The following COL18A1 variants were observed in gnomAD, a reference collection of about 807,000 sequenced individuals.
COL18A1 encodes the protein collagen alpha-1(XVIII) chain.
Under a neutral mutation model 168.0 loss-of-function variants are expected in COL18A1, and 133 were observed. That is an observed-to-expected ratio of 0.79 (90% CI 0.69 to 0.91). The LOEUF (loss-of-function observed/expected upper bound fraction) is 0.91, where lower values mean the gene tolerates loss of function less well. Ranked by LOEUF, COL18A1 falls within the 40% of genes least tolerant of loss-of-function variation. The pLI is 0.00. For synonymous variants in COL18A1, 949 were observed against 809.0 expected, an observed-to-expected ratio of 1.17 and a Z score of -2.94; for missense variants, 2,126 against 1,925.4, an observed-to-expected ratio of 1.10 and a Z score of -1.95.
chr21:45,444,210 T>C (rs2034456237), intron 2 of COL18A1, among the ~76,000 whole-genome samples: 1 of 152,204 alleles, frequency 6.6e-6, no homozygotes, highest in African/African-American at 2.4e-5. Context: ...AAGTTCACTT[T>C]GTGCCAGGTT....
At chr21:45,422,286 G>A (rs2033649859) in intron 2 of COL18A1, 1 of 349,240 alleles carries the variant, frequency 2.9e-6, no homozygotes, top group Non-Finnish European at 5.9e-6. Flanking sequence ...CTCTCTGTCT[G>A]TAGAGGGGCA....
intron 2 of COL18A1, among the ~76,000 whole-genome samples, chr21:45,453,488 T>A (rs2034701191): frequency 6.6e-6 from 1 of 152,222 alleles, no homozygotes. Flanking sequence ...CCTTGCCAGG[T>A]GCTTCCTGGT....
chr21:45,489,493 C>G lies in COL18A1; in HGVS notation c.1931C>G (p.Pro644Arg), dbSNP rs759989824. The G allele has an allele frequency of 6.2e-7, 1 of 1,602,716 alleles. No individual in the cohort carries two copies. The highest frequency in any genetic ancestry group is 8.5e-7 in the Non-Finnish European group (1 of 1,174,666). ...GCCCCTTTTTTCACTTAGGGGGATC[C>G]TGGCGTGCCTGGGCTGCCGGGGGCG... ...PPGLPGLKGD[P>R]GVPGLPGAKG... Residue 644 changes from proline to arginine, a missense_variant, in exon 19 of 42, where the codon CCT becomes CGT. Physicochemically the swap from Pro to Arg is moderately radical, Grantham distance 103. Transcript: ENST00000651438.
At chr21:45,416,637 G>A (rs866278496) in intron 2 of COL18A1, among the ~76,000 whole-genome samples, 12 of 152,090 alleles carry the variant, frequency 7.9e-5, no homozygotes, top group Middle Eastern at 6.8e-3. Context: ...CTGGTCACCC[G>A]GCATCTCTTA....
Position 45,504,043 on chromosome 21 carries a change from G to T in COL18A1, c.2716G>T (p.Ala906Ser). 6.2e-7 allele frequency: 1 copy of T among 1,613,688 alleles called. No individual in the cohort carries two copies. Among genetic ancestry groups the T allele is most frequent in the Non-Finnish European group, 8.5e-7 (1 of 1,179,994 alleles). The change falls in exon 33 of 42, where the codon GCT (alanine) becomes TCT (serine). Residue 906 changes from alanine to serine, a missense_variant. Coordinates refer to ENST00000651438, the MANE Select transcript of COL18A1 (RefSeq NM_001379500.1). ...QFPFDFLQLE[A>S]EMKGEKGDRG... is the part of the protein sequence containing the mutation. ...TCCGTTTGACTTTCTTCAGTTGGAG[G>T]CTGAAATGAAGGTGGGTGACCTCCC...
chr21:45,503,718 A>C (rs1006803780), intron 32 of COL18A1, among the ~76,000 whole-genome samples: 6 of 151,876 alleles, frequency 4.0e-5, no homozygotes, highest in Non-Finnish European at 8.8e-5. Context: ...GCACACCAGC[A>C]TGGCACATGT....
Position 45,486,953 on chromosome 21 carries a change from G to GC in COL18A1, c.1799dup (p.Gly601TrpfsTer12). On this transcript the variant is annotated frameshift_variant, in exon 16 of 42. Coordinates refer to ENST00000651438, the MANE Select transcript of COL18A1 (RefSeq NM_001379500.1). LOFTEE classifies it high-confidence loss of function. Reference sequence around the variant, plus strand: ...CTGCTGGACCACCAGGCCCCCCTGGGCCCCCTGGGCCCCCAGGACCAGGAC... The same window carrying GC: ...CTGCTGGACCACCAGGCCCCCCTGGGCCCCCCTGGGCCCCCAGGACCAGGAC... 3 of 1,494,952 alleles carry GC rather than the reference G, an allele frequency of 2.0e-6. No individual in the cohort carries two copies. Among genetic ancestry groups the GC allele is most frequent in the Admixed American group, 2.3e-5 (1 of 42,828 alleles). 92.6% of individuals were successfully genotyped at this position (1,494,952 alleles called of 1,614,324 possible).
intron 14 of COL18A1, chr21:45,482,263 C>A: frequency 1.6e-6 from 1 of 635,332 alleles, no homozygotes; most frequent in South Asian, 1.7e-5. Context: ...AACATGGGCA[C>A]CCTGCGAGAT....
At position 45,405,443 on chromosome 21, in the gene COL18A1, C is replaced by T. The variant is rs1170169443; in HGVS notation, c.76C>T (p.Leu26Phe). Residue 26 changes from leucine (L) to phenylalanine (F), a missense_variant, in exon 2 of 42, where the codon CTC becomes TTC. Physicochemically the swap from Leu to Phe is conservative, Grantham distance 22. Coordinates refer to ENST00000651438, the MANE Select transcript of COL18A1 (RefSeq NM_001379500.1). The stretch of plus-strand genomic sequence containing the variant: ...CGTGCTCGCGCCCCTGGTCCTGCTG[C>T]TCGGGGTCCGCGCGGCCTCCGCGGA... ...LDVLAPLVLLLGVRAASAEPE... is the reference protein window; with the variant it reads ...LDVLAPLVLLFGVRAASAEPE... The T allele has an allele frequency of 2.9e-6, 4 of 1,380,784 alleles. No individual in the cohort carries two copies. In the Admixed American group the frequency reaches 7.7e-5, roughly 27 times the overall value. The allele number at this position is 1,380,784 out of a possible 1,614,324, so 85.5% of individuals were successfully genotyped here.
At chr21:45,411,805 G>A (rs1056313321) in intron 2 of COL18A1, among the ~76,000 whole-genome samples, 3 of 151,452 alleles carry the variant, frequency 2.0e-5, no homozygotes, top group South Asian at 2.1e-4. Flanking sequence ...CTGCAGGAGA[G>A]GGGAGGGCCT....
rs560834048 is a variant in COL18A1 at position 45,465,218 on chromosome 21, C to T, written c.107-3024C>T. Among the ~76,000 whole-genome samples, 6 of 152,338 alleles carry T rather than the reference C, an allele frequency of 3.9e-5. No homozygotes were observed. In the South Asian group the frequency reaches 8.3e-4, roughly 21 times the overall value. The stretch of plus-strand genomic sequence containing the variant: ...GACTGGCGGGTTCATCGCACAGCCT[C>T]GCCTTTGTTTATCAGACACCAGCTG... On this transcript the variant is annotated intron_variant, in intron 2 of 41. Transcript: ENST00000651438.
chr21:45,426,615 A>G (rs6518242), intron 2 of COL18A1, among the ~76,000 whole-genome samples: 62,402 of 151,986 alleles, frequency 0.41, 15,007 homozygotes, highest in African/African-American at 0.67. Flanking sequence ...GGAAGCCCCC[A>G]GAAACCCTTG....
In COL18A1 at chr21:45,477,967, T is replaced by C; in HGVS notation, c.1221+2T>C. ...ACCCCTGGAAGGGACGGCGAGCCGG[T>C]GAGTCCTCACGTCCCCCCGAGTCCG... is the stretch of plus-strand genomic sequence containing the variant. On this transcript the variant is annotated splice_donor_variant, in intron 8 of 41. Transcript: ENST00000651438. LOFTEE classifies it high-confidence loss of function. The C allele has an allele frequency of 2.0e-6, 3 of 1,472,372 alleles. No homozygotes were observed. Among genetic ancestry groups the C allele is most frequent in the Non-Finnish European group, 2.8e-6 (3 of 1,075,892 alleles). The allele number at this position is 1,472,372 out of a possible 1,614,324, so 91.2% of individuals were successfully genotyped here.
Position 45,487,488 on chromosome 21 carries a change from C to T in COL18A1, c.1875C>T (p.Ala625=), listed in dbSNP as rs780451021. Residue 625 remains alanine (A), a synonymous_variant, in exon 17 of 42, where the codon GCC becomes GCT. Coordinates refer to ENST00000651438, the MANE Select transcript of COL18A1 (RefSeq NM_001379500.1). ...CCGGGGGGCCCTTCTGGTCAACAGC[C>T]CGAAGCGCTGATGGGCCACAGGTAG... ...EGSGGPFWST[A]RSADGPQGPP... 9.3e-6 allele frequency: 15 copies of T among 1,612,992 alleles called. No individual in the cohort carries two copies. The African/African-American group carries it at 9.3e-5, about 10-fold the overall frequency.
chr21:45,507,956 C>CT (rs1247728447), intron 38 of COL18A1, among the ~76,000 whole-genome samples: 1 of 152,178 alleles, frequency 6.6e-6, no homozygotes, highest in Non-Finnish European at 1.5e-5. Context: ...ATGGATATCT[C>CT]TAAGAGTGGT....
chr21:45,444,528 A>G (rs1208370523), intron 2 of COL18A1, among the ~76,000 whole-genome samples: 3 of 152,122 alleles, frequency 2.0e-5, no homozygotes, highest in Non-Finnish European at 4.4e-5. Context: ...TCACTCGTGC[A>G]TGGAGGGTGG....
intron 2 of COL18A1, among the ~76,000 whole-genome samples, chr21:45,448,771 G>A (rs561050787): frequency 2.6e-4 from 39 of 152,224 alleles, no homozygotes; most frequent in Non-Finnish European, 5.3e-4. Context: ...ACTGGCCTGC[G>A]TATCTTTTGG....
intron 25 of COL18A1, 129 bp from the exon 26 acceptor site, chr21:45,493,372 T>C: frequency 7.8e-7 from 1 of 1,276,082 alleles, no homozygotes; most frequent in Non-Finnish European, 1.1e-6. Flanking sequence ...GGGCCGTCCC[T>C]GTGGTCACCT....
Position 45,493,869 on chromosome 21 carries a change from G to T in COL18A1, c.2352+294G>T, listed in dbSNP as rs755285944. The T allele has an allele frequency of 8.5e-6, 4 of 472,098 alleles. No individual in the cohort carries two copies. The Admixed American group carries it at 1.4e-4, about 16-fold the overall frequency. The allele number at this position is 472,098 out of a possible 1,614,324, so 29.2% of individuals were successfully genotyped here. ...TGAGCTCGCGCCTCCCTGGGGCCTG[G>T]CCTGTGGGGTGCAGGAGCCCAGGCT... On this transcript the variant is annotated intron_variant, in intron 26 of 41. Transcript: ENST00000651438.
Sources: gnomAD v4.1 joint callset for allele counts (sites outside exome capture counted in the v4.1 genomes callset) on GRCh38, gnomAD v4.1.1 for gene constraint, MANE v1.5 for transcripts, NCBI Gene and HGNC (gene_info 2026-07-23, HGNC 2026-07-21) for gene names.